Variants in MARCHF1 observed in about 807,000 individuals in gnomAD.
The protein encoded by MARCHF1 is E3 ubiquitin-protein ligase MARCHF1.
In MARCHF1, 40 loss-of-function variants were observed where a neutral mutation model predicts 54.2. That is an observed-to-expected ratio of 0.74 (90% CI 0.57 to 0.96). The LOEUF (loss-of-function observed/expected upper bound fraction) is 0.96. Ranked by LOEUF, MARCHF1 falls within the 40% of genes least tolerant of loss-of-function variation. The pLI is 0.00. For missense variants in MARCHF1, 586 were observed against 656.5 expected (o/e 0.89, Z 1.17); for synonymous variants, 236 against 236.3 (o/e 1.00, Z 0.01).
intron 1 of MARCHF1, among the ~76,000 whole-genome samples, chr4:164,148,659 C>G (rs560873283): frequency 6.6e-6 from 1 of 152,196 alleles, no homozygotes; most frequent in East Asian, 1.9e-4. Flanking sequence ...AAGAAAAATT[C>G]TGTTTATCAA....
At chr4:164,113,519 T>C (rs1389690013) in intron 1 of MARCHF1, among the ~76,000 whole-genome samples, 2 of 151,990 alleles carry the variant, frequency 1.3e-5, no homozygotes, top group East Asian at 3.9e-4. Flanking sequence ...TTTATGTATC[T>C]GGGGAAAGGA....
intron 1 of MARCHF1, among the ~76,000 whole-genome samples, chr4:164,211,954 T>G (rs777677251): frequency 9.2e-5 from 14 of 151,798 alleles, no homozygotes; most frequent in Non-Finnish European, 1.5e-4. Flanking sequence ...AAGGGAGAGA[T>G]AAAGAAAACA....
chr4:163,739,588 C>T lies in MARCHF1; in HGVS notation c.112-38725G>A, dbSNP rs147060437. Among the ~76,000 whole-genome samples, 49 of 152,148 alleles carry T rather than the reference C, an allele frequency of 3.2e-4. No homozygotes were observed. In the East Asian group the frequency reaches 4.1e-3, roughly 13 times the overall value. ...AATACCCTCCTCTTACAAGTTTTAA[C>T]GAACACTCTTCAGTATTTAGCAACT... On this transcript the variant is annotated intron_variant, in intron 4 of 9. Transcript: ENST00000514618.
chr4:164,136,139 G>A (rs895815335), intron 1 of MARCHF1, among the ~76,000 whole-genome samples: 1 of 151,198 alleles, frequency 6.6e-6, no homozygotes, highest in Non-Finnish European at 1.5e-5. Flanking sequence ...GGAGAGTGAC[G>A]TTGACATGAT....
At chr4:163,926,494 C>T (rs958116796) in intron 3 of MARCHF1, among the ~76,000 whole-genome samples, 8 of 151,378 alleles carry the variant, frequency 5.3e-5, no homozygotes, top group Admixed American at 4.6e-4. Context: ...ACTGTTGGGC[C>T]AATACATAGT....
Position 163,574,392 on chromosome 4 carries a change from G to A in MARCHF1, c.1191+11357C>T, listed in dbSNP as rs1451599402. ...TTTTAGACATGAAGTCCTTGCCCGT[G>A]CCTATGTCCTGAATGGTATTGCCTA... is the stretch of plus-strand genomic sequence containing the variant. On this transcript the variant is annotated intron_variant, in intron 8 of 9. Transcript: ENST00000514618. Among the ~76,000 whole-genome samples, 14 of 151,966 alleles carry A rather than the reference G, an allele frequency of 9.2e-5. No homozygotes were observed. In the South Asian group the frequency reaches 2.7e-3, roughly 29 times the overall value.
At chr4:164,280,990 C>T (rs575576799) in intron 1 of MARCHF1, among the ~76,000 whole-genome samples, 233 of 152,202 alleles carry the variant, frequency 1.5e-3, no homozygotes, top group Middle Eastern at 3.4e-3. Context: ...AATGGAATGT[C>T]TTCTAATTTC....
intron 1 of MARCHF1, among the ~76,000 whole-genome samples, chr4:164,312,319 CT>C (rs34613860): frequency 0.08 from 8,283 of 103,328 alleles, 261 homozygotes; most frequent in East Asian, 0.26. Flanking sequence ...TTTTCTTTTT[CT>C]TTTTTTTTTT....
intron 1 of MARCHF1, among the ~76,000 whole-genome samples, chr4:164,241,502 T>G (rs1732749739): frequency 6.6e-6 from 1 of 152,088 alleles, no homozygotes; most frequent in Admixed American, 6.5e-5. Context: ...CAATGATAAG[T>G]GTTTGTGGTT....
chr4:163,548,134 A>G (rs1173686787), intron 8 of MARCHF1, among the ~76,000 whole-genome samples: 2 of 152,160 alleles, frequency 1.3e-5, no homozygotes, highest in Non-Finnish European at 2.9e-5. Flanking sequence ...TTATTGTCGT[A>G]TTAATCTGAA....
At chr4:163,893,564 C>A (rs894009614) in intron 3 of MARCHF1, among the ~76,000 whole-genome samples, 1 of 151,836 alleles carries the variant, frequency 6.6e-6, no homozygotes, top group Non-Finnish European at 1.5e-5. Flanking sequence ...TTTTCTGACA[C>A]GTAAAGTATA....
chr4:164,244,136 C>G (rs200603483), intron 1 of MARCHF1, among the ~76,000 whole-genome samples: 14 of 151,786 alleles, frequency 9.2e-5, no homozygotes, highest in Non-Finnish European at 1.6e-4. Context: ...CTCTCCACCC[C>G]AAATCAACAG....
chr4:164,127,739 A>G (rs1756216048), intron 1 of MARCHF1, among the ~76,000 whole-genome samples: 1 of 152,216 alleles, frequency 6.6e-6, no homozygotes, highest in African/African-American at 2.4e-5. Context: ...TATTTATGAA[A>G]GATGCAAAGT....
chr4:164,349,794 A>G (rs1730225475), intron 1 of MARCHF1, among the ~76,000 whole-genome samples: 1 of 152,230 alleles, frequency 6.6e-6, no homozygotes, highest in African/African-American at 2.4e-5. Flanking sequence ...TTGAGGTAAA[A>G]CAGGAAAGTC....
At chr4:163,819,561 A>G (rs573311216) in intron 4 of MARCHF1, among the ~76,000 whole-genome samples, 9 of 152,198 alleles carry the variant, frequency 5.9e-5, no homozygotes, top group Non-Finnish European at 1.3e-4. Flanking sequence ...CACCACAACC[A>G]TGTGAAAACT....
chr4:164,077,523 G>C (rs1755005638), intron 2 of MARCHF1, among the ~76,000 whole-genome samples: 1 of 152,158 alleles, frequency 6.6e-6, no homozygotes, highest in African/African-American at 2.4e-5. Flanking sequence ...AGCCAAAGTG[G>C]ACACATGGGA....
intron 1 of MARCHF1, among the ~76,000 whole-genome samples, chr4:164,160,295 G>T (rs536431124): frequency 6.6e-6 from 1 of 152,174 alleles, no homozygotes; most frequent in Non-Finnish European, 1.5e-5. Context: ...AGGCTAAATG[G>T]TATAGCCTAT....
chr4:163,891,027 A>G (rs1750650222), intron 3 of MARCHF1, among the ~76,000 whole-genome samples: 1 of 152,146 alleles, frequency 6.6e-6, no homozygotes, highest in African/African-American at 2.4e-5. Context: ...AACCCTACTT[A>G]ATATAATTAA....
chr4:164,368,306 AAAAAG>A (rs1578905368), intron 1 of MARCHF1, among the ~76,000 whole-genome samples: 2 of 146,714 alleles, frequency 1.4e-5, no homozygotes, highest in East Asian at 4.1e-4. Context: ...AGAACAAATG[AAAAAG>A]AAAATAATTT....
Sources: allele counts gnomAD v4.1 joint callset (sites outside exome capture counted in the v4.1 genomes callset), GRCh38; gene constraint gnomAD v4.1.1; transcripts MANE v1.5; gene names NCBI Gene and HGNC (gene_info 2026-07-23, HGNC 2026-07-21).